The following ZNF239 variants were observed in gnomAD, a reference collection of about 807,000 sequenced individuals.
The protein encoded by ZNF239 is zinc finger protein (C2H2) homologous to mouse MOK-2.
Under a neutral mutation model 27.5 loss-of-function variants are expected in ZNF239, and 16 were observed. The observed-to-expected ratio is 0.58, with a 90% confidence interval of 0.39 to 0.88. ZNF239 has a LOEUF of 0.88. Ranked by LOEUF, ZNF239 falls within the 40% of genes least tolerant of loss-of-function variation. The probability of loss-of-function intolerance (pLI) is 0.00; values close to 1 mark genes in which losing one functional copy is unlikely to be tolerated. For synonymous variants in ZNF239, 199 were observed against 192.6 expected, an observed-to-expected ratio of 1.03 and a Z score of -0.27; for missense variants, 527 against 551.9, an observed-to-expected ratio of 0.95 and a Z score of 0.45.
rs754438172 is a variant in ZNF239, at chr10:43,557,156, G to T, written c.924C>A (p.Ile308=). The T allele has an allele frequency of 3.0e-5, 49 of 1,613,540 alleles. 1 individual carries two copies. The South Asian group carries it at 4.9e-4, about 16-fold the overall frequency. The change falls in exon 4 of 4, where the codon ATC becomes ATA. Residue 308 remains isoleucine, a synonymous_variant. Coordinates refer to ENST00000374446, the MANE Select transcript of ZNF239 (RefSeq NM_001099282.2). Reference sequence around the variant, plus strand: ...TCTCTCCAGTGTGGACTCGCTGGTGGATGTGCAGTTTGGAGCTCTGACTAA... The same window carrying T: ...TCTCTCCAGTGTGGACTCGCTGGTGTATGTGCAGTTTGGAGCTCTGACTAA... ...KGFSQSSKLH[I]HQRVHTGEKP...
rs1588772896 is a variant in ZNF239 at position 43,556,651 on chromosome 10, T to C, written c.*52A>G. 6.4e-7 allele frequency: 1 copy of C among 1,556,412 alleles called. No homozygotes were observed. The highest frequency in any genetic ancestry group is 1.9e-5 in the Admixed American group (1 of 53,212). On this transcript the variant is annotated 3_prime_UTR_variant, in exon 4 of 4. Transcript: ENST00000374446. ...TAAAGTAAGAGTGATACTAAATATT[T>C]AACAGTTTTTACAGTATGAGCGCTG...
At chr10:43,568,169 G>A in intron 2 of ZNF239, 148 bp from the exon 3 acceptor site, 1 of 985,502 alleles carries the variant, frequency 1.0e-6, no homozygotes, top group Non-Finnish European at 1.2e-6. Flanking sequence ...GCCAAGTTTT[G>A]TTGGAAAGTC....
At chr10:43,560,850 A>T (rs1837193704) in intron 3 of ZNF239, among the ~76,000 whole-genome samples, 1 of 152,222 alleles carries the variant, frequency 6.6e-6, no homozygotes, top group South Asian at 2.1e-4. Flanking sequence ...GACCAACAGA[A>T]TTTAAAAGGT....
rs1004773969 is a variant in ZNF239 at position 43,568,124 on chromosome 10, A to C, written c.-215-103T>G. 4 of 985,514 alleles carry C rather than the reference A, an allele frequency of 4.1e-6. No individual in the cohort carries two copies. In the East Asian group the frequency reaches 3.4e-4, roughly 84 times the overall value. 61.0% of individuals were successfully genotyped at this position (985,514 alleles called of 1,614,324 possible). On this transcript the variant is annotated intron_variant, in intron 2 of 3. Transcript: ENST00000374446. ...ACTGGAAAAGGTAAGAAAGGTATAG[A>C]AGAAGTTTGCAGCTCAGGGATCTGA...
intron 2 of ZNF239, among the ~76,000 whole-genome samples, chr10:43,570,012 C>T (rs945271171): frequency 2.0e-5 from 3 of 152,180 alleles, no homozygotes; most frequent in Non-Finnish European, 4.4e-5. Flanking sequence ...TGGGCTGGCA[C>T]CACTCTCTAA....
chr10:43,570,166 T>C (rs1353155167), intron 2 of ZNF239: 1 of 985,238 alleles, frequency 1.0e-6, no homozygotes, highest in African/African-American at 1.7e-5. Flanking sequence ...AGGAGTGACA[T>C]GACTTACCCA....
rs1836875722 is a variant in ZNF239, at chr10:43,557,607, T to A, written c.473A>T (p.His158Leu). Reference protein sequence around the residue: ...DPIDCNCKDIHGWKSQVVSCS... With the variant: ...DPIDCNCKDILGWKSQVVSCS... ...ACTGACCACCTGTGATTTCCATCCA[T>A]GAATGTCTTTGCAGTTACAGTCAAT... The change falls in exon 4 of 4, where the codon CAT (histidine) becomes CTT (leucine). Residue 158 changes from histidine (H) to leucine (L), a missense_variant. His to Leu is a moderately conservative substitution (Grantham distance 99). Coordinates refer to ENST00000374446, the MANE Select transcript of ZNF239 (RefSeq NM_001099282.2). 6.2e-7 allele frequency: 1 copy of A among 1,614,094 alleles called. No homozygotes were observed. Among genetic ancestry groups the A allele is most frequent in the Non-Finnish European group, 8.5e-7 (1 of 1,180,050 alleles).
rs527955576 is a variant in ZNF239, at chr10:43,557,000, C to T, written c.1080G>A (p.Ser360=). 2.5e-5 allele frequency: 40 copies of T among 1,611,770 alleles called. No individual in the cohort carries two copies. In the African/African-American group the frequency reaches 4.2e-4, roughly 17 times the overall value. The change falls in exon 4 of 4, where the codon TCG becomes TCA. Residue 360 remains serine, a synonymous_variant. Transcript: ENST00000374446. The part of the protein sequence containing the change: ...GECGKGFSQS[S]NLHIHRCIHT... ...GGATGCACCGGTGAATGTGAAGGTT[C>T]GAGCTCTGACTGAAGCCCTTCCCAC... is the stretch of plus-strand genomic sequence containing the variant.
chr10:43,558,213 A>G, intron 3 of ZNF239, 42 bp from the exon 4 acceptor site: 3 of 1,446,336 alleles, frequency 2.1e-6, no homozygotes, highest in South Asian at 3.1e-5. Flanking sequence ...CAAAGGGTAG[A>G]CTTCAAGATT....
chr10:43,574,586 G>T lies in ZNF239; in HGVS notation c.-303C>A, dbSNP rs1275287091. 2 of 152,296 alleles carry T rather than the reference G, an allele frequency of 1.3e-5. No individual in the cohort carries two copies. The highest frequency in any genetic ancestry group is 1.5e-5 in the Non-Finnish European group (1 of 68,090). 9.4% of individuals were successfully genotyped at this position (152,296 alleles called of 1,614,324 possible). A position where few individuals can be genotyped will look rare whatever the true frequency, so the allele number is the denominator to read the frequency against. On this transcript the variant is annotated 5_prime_UTR_variant, in exon 1 of 4. Transcript: ENST00000374446. ...CTGCAGGGGCCAGATTCCGGATGCTGACCGCTCGCGCGCCTAGGGCCCCGA... is the reference window on the plus strand; with the variant it reads ...CTGCAGGGGCCAGATTCCGGATGCTTACCGCTCGCGCGCCTAGGGCCCCGA...
chr10:43,570,534 G>A (rs1293729552), intron 2 of ZNF239: 1 of 982,916 alleles, frequency 1.0e-6, no homozygotes, highest in Non-Finnish European at 1.2e-6. Flanking sequence ...CTTCAGAGAT[G>A]CAAGCCCACC....
intron 2 of ZNF239, among the ~76,000 whole-genome samples, chr10:43,572,320 T>C (rs9422543): frequency 0.46 from 70,620 of 151,966 alleles, 17,752 homozygotes; most frequent in South Asian, 0.61. Context: ...AGTCCTCAAT[T>C]ACTTTTCAGG....
intron 3 of ZNF239, among the ~76,000 whole-genome samples, chr10:43,565,232 C>T (rs1336648686): frequency 1.3e-5 from 2 of 151,804 alleles, no homozygotes; most frequent in African/African-American, 2.4e-5. Context: ...TAAAGGCACC[C>T]GCCACCACGC....
intron 2 of ZNF239, chr10:43,570,472 T>G: frequency 3.0e-6 from 3 of 985,220 alleles, no homozygotes; most frequent in Non-Finnish European, 3.6e-6. Context: ...AATTTCTTTC[T>G]GTTTAAGGCT....
chr10:43,557,892 TATGTTTCACTTTCA>T lies in ZNF239; in HGVS notation c.174_187del (p.Glu59PhefsTer20). 2 of 1,614,164 alleles carry T rather than the reference TATGTTTCACTTTCA, an allele frequency of 1.2e-6. No individual in the cohort carries two copies. The highest frequency in any genetic ancestry group is 1.7e-6 in the Non-Finnish European group (2 of 1,180,020). ...TTGGCTTGAGACTTTCAAAGGCAAA[TATGTTTCACTTTCA>T]ATGTTTTCGAAACAACCACTTTGAA... On this transcript the variant is annotated frameshift_variant, in exon 4 of 4. Coordinates refer to ENST00000374446, the MANE Select transcript of ZNF239 (RefSeq NM_001099282.2). LOFTEE classifies it low-confidence loss of function (END_TRUNC).
In ZNF239 at chr10:43,567,066, A is replaced by G. The variant is rs186428315; in HGVS notation, c.-93+833T>C. Among the ~76,000 whole-genome samples, 4 of 152,014 alleles carry G rather than the reference A, an allele frequency of 2.6e-5. No homozygotes were observed. The East Asian group carries it at 7.8e-4, about 30-fold the overall frequency. On this transcript the variant is annotated intron_variant, in intron 3 of 3. Transcript: ENST00000374446. Reference sequence around the variant, plus strand: ...CCGAGATCGTGCCACTGCACTCCAGACTCCAGCCTGGACGAAAGAGGGAGA... The same window carrying G: ...CCGAGATCGTGCCACTGCACTCCAGGCTCCAGCCTGGACGAAAGAGGGAGA...
rs766533675 is a variant in ZNF239 at position 43,568,041 on chromosome 10, C to A, written c.-215-20G>T. 130 of 985,832 alleles carry A rather than the reference C, an allele frequency of 1.3e-4. No individual in the cohort carries two copies. Among genetic ancestry groups the A allele is most frequent in the Non-Finnish European group, 1.5e-4 (126 of 830,054 alleles). 61.1% of individuals were successfully genotyped at this position (985,832 alleles called of 1,614,324 possible). On this transcript the variant is annotated intron_variant, in intron 2 of 3. Transcript: ENST00000374446. ...TGGTTCCTAAAACATTAAGCACATT[C>A]CTCCTCAACAAACAACCATCTGCAC...
chr10:43,567,043 G>A lies in ZNF239; in HGVS notation c.-93+856C>T, dbSNP rs558399662. Among the ~76,000 whole-genome samples the A allele has an allele frequency of 7.1e-4, 108 of 152,162 alleles. No individual in the cohort carries two copies. In the South Asian group the frequency reaches 0.022, roughly 30 times the overall value. ...TGGGAGGTGGAGGTTGCAGTGAGCC[G>A]AGATCGTGCCACTGCACTCCAGACT... On this transcript the variant is annotated intron_variant, in intron 3 of 3. Coordinates refer to ENST00000374446, the MANE Select transcript of ZNF239 (RefSeq NM_001099282.2).
At chr10:43,568,329 C>T in intron 2 of ZNF239, 3 of 985,454 alleles carry the variant, frequency 3.0e-6, no homozygotes, top group Non-Finnish European at 3.6e-6. Context: ...CCATTCCCAC[C>T]ATTATCCTGA....
Sources: gnomAD v4.1 joint callset for allele counts (sites outside exome capture counted in the v4.1 genomes callset) on GRCh38, gnomAD v4.1.1 for gene constraint, MANE v1.5 for transcripts, NCBI Gene and HGNC (gene_info 2026-07-23, HGNC 2026-07-21) for gene names.